PCDHGA3: variants seen among roughly 807,000 people sequenced by gnomAD.
PCDHGA3 encodes protocadherin gamma subfamily A, 3.
Under a neutral mutation model 58.5 loss-of-function variants are expected in PCDHGA3, and 40 were observed. That is an observed-to-expected ratio of 0.68 (90% confidence interval 0.53 to 0.89). The LOEUF (loss-of-function observed/expected upper bound fraction) is 0.89. Ranked by LOEUF, PCDHGA3 falls within the 40% of genes least tolerant of loss-of-function variation. PCDHGA3 has a pLI of 0.00. For synonymous variants in PCDHGA3, 530 were observed against 525.7 expected (o/e 1.01, Z -0.11); for missense variants, 1,223 against 1,195.9 (o/e 1.02, Z -0.33).
chr5:141,355,810 G>A (rs756091940), intron 1 of PCDHGA3: 2 of 1,613,274 alleles, frequency 1.2e-6, no homozygotes, highest in East Asian at 2.2e-5. Flanking sequence ...AGATCGCGAG[G>A]AAGAGGCGGT....
At chr5:141,370,566 G>A (rs1435194391) in intron 1 of PCDHGA3, 3 of 1,613,936 alleles carry the variant, frequency 1.9e-6, no homozygotes, top group Non-Finnish European at 2.5e-6. Flanking sequence ...GGGGTTTGGC[G>A]TGGGGGATTT....
In PCDHGA3 at chr5:141,393,482, T is replaced by C. The variant is rs116240246; in HGVS notation, c.2424+47025T>C. The C allele has an allele frequency of 5.3e-4, 852 of 1,614,070 alleles. 7 individuals carry two copies. In the African/African-American group the frequency reaches 0.01, roughly 19 times the overall value. ...CGGATGGCGGCAAGCCGCCTCGCTC[T>C]AGCACAGTGCGCATCCACGTGACAG... is the stretch of plus-strand genomic sequence containing the variant. On this transcript the variant is annotated intron_variant, in intron 1 of 3. Coordinates refer to ENST00000253812, the MANE Select transcript of PCDHGA3 (RefSeq NM_018916.4).
chr5:141,365,946 AC>A (rs774882856), intron 1 of PCDHGA3: 230 of 1,614,020 alleles, frequency 1.4e-4, no homozygotes, highest in Non-Finnish European at 1.9e-4. Flanking sequence ...GACAGTGGGA[AC>A]CCTCCACTTA....
intron 1 of PCDHGA3, chr5:141,357,694 A>G (rs756497559): frequency 3.9e-6 from 6 of 1,521,212 alleles, no homozygotes; most frequent in Middle Eastern, 1.7e-4. Flanking sequence ...CTCTCATTTT[A>G]TATGTAATAT....
chr5:141,384,478 G>A (rs1350381914), intron 1 of PCDHGA3: 4 of 1,614,104 alleles, frequency 2.5e-6, no homozygotes, highest in Non-Finnish European at 3.4e-6. Context: ...GCAGTTGAGA[G>A]AACTACAACT....
rs537684458 is a variant in PCDHGA3, at chr5:141,431,679, T to G, written c.2425-63128T>G. The G allele has an allele frequency of 1.5e-5, 24 of 1,614,222 alleles. No individual in the cohort carries two copies. The highest frequency in any genetic ancestry group is 3.3e-5 in the Admixed American group (2 of 60,028). On this transcript the variant is annotated intron_variant, in intron 1 of 3. Coordinates refer to ENST00000253812, the MANE Select transcript of PCDHGA3 (RefSeq NM_018916.4). The surrounding 1 kb of genome is among the most constrained non-coding windows in gnomAD (Gnocchi z 4.8). ...GGGACAATATCAACAATAGGGGAGT[T>G]GGACCACGAGGAGTCAGGATTCTAC...
chr5:141,431,699 T>C lies in PCDHGA3; in HGVS notation c.2425-63108T>C. ...GGAGTTGGACCACGAGGAGTCAGGA[T>C]TCTACCAGATGGAAGTGCAAGCAAT... is the stretch of plus-strand genomic sequence containing the variant. On this transcript the variant is annotated intron_variant, in intron 1 of 3. Coordinates refer to ENST00000253812, the MANE Select transcript of PCDHGA3 (RefSeq NM_018916.4). The surrounding 1 kb of genome is among the most constrained non-coding windows in gnomAD (Gnocchi z 4.8). 6.2e-7 allele frequency: 1 copy of C among 1,614,222 alleles called. No individual in the cohort carries two copies. Among genetic ancestry groups the C allele is most frequent in the South Asian group, 1.1e-5 (1 of 91,074 alleles).
Position 141,490,778 on chromosome 5 carries a change from A to T in PCDHGA3, c.2425-4029A>T, listed in dbSNP as rs964301520. The T allele has an allele frequency of 5.6e-6, 9 of 1,614,098 alleles. No individual in the cohort carries two copies. The highest frequency in any genetic ancestry group is 7.6e-6 in the Non-Finnish European group (9 of 1,179,962). On this transcript the variant is annotated intron_variant, in intron 1 of 3. Transcript: ENST00000253812. This position sits in a 1 kb window ranked among gnomAD's most constrained non-coding sequence, Gnocchi z 5.4. ...TCCTTTGTGTATGTCAACCCAGAGG[A>T]TGGACGGATCTTTGCCCAGCGTACC... is the stretch of plus-strand genomic sequence containing the variant.
At chr5:141,352,905 T>C (rs1759140498) in intron 1 of PCDHGA3, among the ~76,000 whole-genome samples, 1 of 152,122 alleles carries the variant, frequency 6.6e-6, no homozygotes, top group Non-Finnish European at 1.5e-5. Flanking sequence ...GGAGGATCGC[T>C]TGAGCCCGGG....
intron 1 of PCDHGA3, among the ~76,000 whole-genome samples, chr5:141,494,135 GTCAC>G (rs1365926534): frequency 3.3e-5 from 5 of 152,202 alleles, no homozygotes; most frequent in Admixed American, 6.5e-5. Flanking sequence ...CTTCTCCTTA[GTCAC>G]AGACCATTGT....
At chr5:141,459,199 A>G (rs930769883) in intron 1 of PCDHGA3, among the ~76,000 whole-genome samples, 6 of 152,200 alleles carry the variant, frequency 3.9e-5, no homozygotes, top group African/African-American at 1.4e-4. Flanking sequence ...TTTGCAATCA[A>G]TTCACTACTT....
intron 1 of PCDHGA3, chr5:141,441,111 G>A (rs1457975305): frequency 1.3e-5 from 2 of 152,194 alleles, no homozygotes; most frequent in Non-Finnish European, 1.5e-5. Flanking sequence ...TCATTGTCCA[G>A]TGTACAGTTG....
At chr5:141,506,444 C>CAAA (rs1219684339) in intron 3 of PCDHGA3, among the ~76,000 whole-genome samples, 2 of 95,018 alleles carry the variant, frequency 2.1e-5, no homozygotes, top group African/African-American at 7.9e-5. Context: ...CGCTCTGTCT[C>CAAA]AAAAAAAAAA....
At chr5:141,430,842 G>A (rs935750449) in intron 1 of PCDHGA3, 4 of 1,567,068 alleles carry the variant, frequency 2.6e-6, no homozygotes, top group Non-Finnish European at 3.4e-6. Flanking sequence ...GAGACCGGAT[G>A]CACCCAGATA....
chr5:141,370,090 A>G (rs1766666321), intron 1 of PCDHGA3, among the ~76,000 whole-genome samples: 1 of 152,252 alleles, frequency 6.6e-6, no homozygotes, highest in South Asian at 2.1e-4. Context: ...CACTATCAGT[A>G]CACTGCCGAT....
At chr5:141,441,279 C>T (rs3792898) in intron 1 of PCDHGA3, 17,193 of 152,116 alleles carry the variant, frequency 0.11, 1,155 homozygotes, top group African/African-American at 0.18. Context: ...CGGGAGAAAA[C>T]GAGGTCACAT....
At chr5:141,502,946 C>T (rs900624216) in intron 2 of PCDHGA3, among the ~76,000 whole-genome samples, 13 of 145,572 alleles carry the variant, frequency 8.9e-5, no homozygotes, top group African/African-American at 2.6e-4. Flanking sequence ...TGGGTTCAAG[C>T]GATTCTCCTG....
chr5:141,350,201 G>T, intron 1 of PCDHGA3: 2 of 1,440,872 alleles, frequency 1.4e-6, no homozygotes, highest in Non-Finnish European at 1.8e-6. Context: ...AGTCCAGGGT[G>T]CTGCCATTTC....
intron 1 of PCDHGA3, among the ~76,000 whole-genome samples, chr5:141,464,402 G>T (rs900750443): frequency 6.6e-6 from 1 of 150,722 alleles, no homozygotes; most frequent in African/African-American, 2.4e-5. Context: ...AAGAACCTGA[G>T]ATATATATAT....
Sources: gnomAD v4.1 joint callset for allele counts (sites outside exome capture counted in the v4.1 genomes callset) on GRCh38, gnomAD v4.1.1 for gene constraint, Gnocchi (gnomAD v3.1) non-coding constraint, MANE v1.5 for transcripts, NCBI Gene and HGNC (gene_info 2026-07-23, HGNC 2026-07-21) for gene names.